Variants in SP110 observed in about 807,000 individuals in gnomAD.
SP110 encodes the protein interferon-induced protein 41, 30kD.
Under a neutral mutation model 92.7 loss-of-function variants are expected in SP110, and 62 were observed. The ratio of observed to expected loss-of-function variants is 0.67; its 90% CI spans 0.55 to 0.83. SP110 has a LOEUF of 0.83. SP110 is among the 40% of genes least tolerant of loss of function. SP110 has a pLI of 0.00. For missense variants in SP110, 793 were observed against 863.9 expected (o/e 0.92, Z 1.03); for synonymous variants, 273 against 305.3 (o/e 0.89, Z 1.10).
At chr2:230,217,098 T>C (rs1193528764) in intron 1 of SP110, among the ~76,000 whole-genome samples, 170 bp from the exon 2 acceptor site, 1 of 151,962 alleles carries the variant, frequency 6.6e-6, no homozygotes, top group African/African-American at 2.4e-5. Context: ...ATACAAAAAT[T>C]AGCTGGGTGT....
intron 8 of SP110, among the ~76,000 whole-genome samples, chr2:230,206,602 T>TATAC (rs2043861489): frequency 2.5e-5 from 1 of 39,698 alleles, no homozygotes; most frequent in African/African-American, 1.6e-4. Context: ...ATTTTATATA[T>TATAC]ATATATATAT....
intron 1 of SP110, among the ~76,000 whole-genome samples, chr2:230,218,912 A>T (rs2045531396): frequency 6.6e-6 from 1 of 152,164 alleles, no homozygotes; most frequent in Non-Finnish European, 1.5e-5. Flanking sequence ...TACGATAAGC[A>T]TGTTAACTAG....
intron 9 of SP110, among the ~76,000 whole-genome samples, chr2:230,201,360 T>C (rs1268400017): frequency 1.3e-5 from 2 of 152,258 alleles, no homozygotes; most frequent in African/African-American, 4.8e-5. Flanking sequence ...TTTCAACCTT[T>C]GTACAGATTG....
chr2:230,191,339 A>G (rs1456612778), intron 10 of SP110, among the ~76,000 whole-genome samples: 2 of 152,210 alleles, frequency 1.3e-5, no homozygotes, highest in East Asian at 1.9e-4. Flanking sequence ...CAAAAAATCA[A>G]TGAATCCAGG....
chr2:230,179,557 G>A (rs950067496), intron 12 of SP110, among the ~76,000 whole-genome samples: 1 of 151,834 alleles, frequency 6.6e-6, no homozygotes, highest in Non-Finnish European at 1.5e-5. Context: ...TTACCTAAGC[G>A]TGCATTACTG....
chr2:230,192,383 AC>A lies in SP110; in HGVS notation c.1130-6241del, dbSNP rs2042675046. On this transcript the variant is annotated intron_variant, in intron 10 of 18. Transcript: ENST00000258381. Reference sequence around the variant, plus strand: ...GATGACATGATTATATACTTAGAAAACCCCATCATCTCAGCCCAAAAACTTC... The same window carrying A: ...GATGACATGATTATATACTTAGAAAACCCATCATCTCAGCCCAAAAACTTC... Among the ~76,000 whole-genome samples, 5 of 152,038 alleles carry A rather than the reference AC, an allele frequency of 3.3e-5. No individual in the cohort carries two copies. In the South Asian group the frequency reaches 1.0e-3, roughly 32 times the overall value.
intron 8 of SP110, among the ~76,000 whole-genome samples, chr2:230,206,410 G>A (rs966801981): frequency 5.9e-5 from 9 of 151,372 alleles, no homozygotes; most frequent in African/African-American, 2.2e-4. Context: ...GTGCTCCTCT[G>A]TCTTCACTGG....
upstream of SP110, among the ~76,000 whole-genome samples, chr2:230,220,821 T>C (rs1381784394): frequency 6.6e-6 from 1 of 152,020 alleles, no homozygotes; most frequent in African/African-American, 2.4e-5. Context: ...CTGGGCAACA[T>C]AGTGAGACCC....
Position 230,211,502 on chromosome 2 carries a change from T to C in SP110, c.719A>G (p.Glu240Gly), listed in dbSNP as rs201442851. 99 of 1,611,366 alleles carry C rather than the reference T, an allele frequency of 6.1e-5. No homozygotes were observed. Among genetic ancestry groups the C allele is most frequent in the Non-Finnish European group, 7.6e-5 (89 of 1,177,588 alleles). The change falls in exon 6 of 19, where the codon GAG (glutamate) becomes GGG (glycine). Residue 240 changes from glutamate (E) to glycine (G), a missense_variant. Physicochemically the swap from Glu to Gly is moderately conservative, Grantham distance 98. Coordinates refer to ENST00000258381, the MANE Select transcript of SP110 (RefSeq NM_080424.4). This position sits in a 1 kb window ranked among gnomAD's most constrained non-coding sequence, Gnocchi z 4.2. ...PQIRDKEDPQ[E>G]MPHSPLGSMP... The stretch of plus-strand genomic sequence containing the variant: ...AGAGCCCAAGGGAGAGTGGGGCATC[T>C]CTTGAGGGTCTTCTTTATCTCTTAT...
chr2:230,223,069 G>A (rs376225410), upstream of SP110, among the ~76,000 whole-genome samples: 3 of 148,398 alleles, frequency 2.0e-5, no homozygotes, highest in Non-Finnish European at 3.0e-5. Context: ...ACAGAGTCAC[G>A]GTCTGTCTCC....
In SP110 at chr2:230,202,567, C is replaced by T; in HGVS notation, c.1048+12G>A. 7 of 1,613,478 alleles carry T rather than the reference C, an allele frequency of 4.3e-6. No individual in the cohort carries two copies. The highest frequency in any genetic ancestry group is 5.9e-6 in the Non-Finnish European group (7 of 1,179,332). ...GAGCCATTCAAATGGCAGATTCCAT[C>T]ATCAGCCTTACCCTCTGATCTCGAC... On this transcript the variant is annotated intron_variant, in intron 9 of 18. Transcript: ENST00000258381.
chr2:230,225,015 A>G (rs1296299732), intron 1 of SP110, among the ~76,000 whole-genome samples: 2 of 152,190 alleles, frequency 1.3e-5, no homozygotes, highest in Non-Finnish European at 2.9e-5. Flanking sequence ...TTGTGTGCAA[A>G]CATAAATGTA....
At chr2:230,208,097 T>C in intron 7 of SP110, 38 bp from the exon 8 acceptor site, 2 of 1,143,278 alleles carry the variant, frequency 1.7e-6, no homozygotes, top group Admixed American at 1.7e-5. Context: ...TTACAAACAT[T>C]GATCTCCCAA....
chr2:230,184,638 G>A (rs557869615), intron 11 of SP110, among the ~76,000 whole-genome samples: 1 of 151,840 alleles, frequency 6.6e-6, no homozygotes, highest in African/African-American at 2.4e-5. Flanking sequence ...TAAGTTCAAA[G>A]ACAGAAACCA....
upstream of SP110, among the ~76,000 whole-genome samples, chr2:230,220,284 C>G (rs1448198841): frequency 6.6e-6 from 1 of 152,130 alleles, no homozygotes; most frequent in Non-Finnish European, 1.5e-5. Context: ...TCTATTTTCC[C>G]ATGACTTGTC....
At position 230,186,012 on chromosome 2, in the gene SP110, G is replaced by C; in HGVS notation, c.1261C>G (p.Arg421Gly). ...GCCTTACCTTTCAATCTGGACTTTC[G>C]GGCACATTTAGTTCTTGCCTTTTGG... Reference protein sequence around the residue: ...RVQKARTKCARKSRLKEKKKE... With the variant: ...RVQKARTKCAGKSRLKEKKKE... The change falls in exon 11 of 19, where the codon CGA (arginine) becomes GGA (glycine). Residue 421 changes from arginine to glycine, a missense_variant. By Grantham distance (125) the Arg-to-Gly change is moderately radical. Transcript: ENST00000258381. 6.2e-7 allele frequency: 1 copy of C among 1,613,972 alleles called. No homozygotes were observed. The highest frequency in any genetic ancestry group is 8.5e-7 in the Non-Finnish European group (1 of 1,179,946).
At chr2:230,172,271 C>T in intron 15 of SP110, 97 bp from the exon 16 acceptor site, 1 of 840,336 alleles carries the variant, frequency 1.2e-6, no homozygotes, top group Non-Finnish European at 2.1e-6. Context: ...AGGATGGGCT[C>T]AGCCATGAGG....
chr2:230,176,707 A>C (rs774716172), intron 14 of SP110: 4 of 1,614,058 alleles, frequency 2.5e-6, no homozygotes, highest in Middle Eastern at 1.6e-4. Context: ...TTCTTGGAGG[A>C]CAGAGCAAAA....
At chr2:230,202,855 C>T in intron 8 of SP110, 127 bp from the exon 9 acceptor site, 2 of 869,452 alleles carry the variant, frequency 2.3e-6, no homozygotes, top group Admixed American at 1.8e-5. Context: ...TACCCCTGTA[C>T]CTCACTTTTC....
Sources: allele counts gnomAD v4.1 joint callset (sites outside exome capture counted in the v4.1 genomes callset), GRCh38; gene constraint gnomAD v4.1.1; non-coding constraint Gnocchi (gnomAD v3.1); transcripts MANE v1.5; gene names NCBI Gene and HGNC (gene_info 2026-07-23, HGNC 2026-07-21).